The following FBXW4 variants were observed in gnomAD, a reference collection of about 807,000 sequenced individuals.
The protein encoded by FBXW4 is F-box/WD repeat-containing protein 4.
Under a neutral mutation model 61.8 loss-of-function variants are expected in FBXW4, and 40 were observed. The ratio of observed to expected loss-of-function variants is 0.65; its 90% CI spans 0.50 to 0.84. FBXW4 has a LOEUF of 0.84. Ranked by LOEUF, FBXW4 falls within the 40% of genes least tolerant of loss-of-function variation. The pLI is 0.00. For synonymous variants in FBXW4, 311 were observed against 313.8 expected (o/e 0.99, Z 0.10); for missense variants, 672 against 753.8 (o/e 0.89, Z 1.27).
intron 4 of FBXW4, among the ~76,000 whole-genome samples, chr10:101,669,541 C>A (rs2064338283): frequency 6.6e-6 from 1 of 152,196 alleles, no homozygotes; most frequent in South Asian, 2.1e-4. Context: ...TTCTTGGTCT[C>A]CAGGAGCGGC....
At position 101,677,319 on chromosome 10, in the gene FBXW4, T is replaced by C. The variant is rs527513048; in HGVS notation, c.726-883A>G. Among the ~76,000 whole-genome samples the C allele has an allele frequency of 1.3e-4, 20 of 152,250 alleles. No homozygotes were observed. The South Asian group carries it at 4.1e-3, about 32-fold the overall frequency. On this transcript the variant is annotated intron_variant, in intron 1 of 8. Transcript: ENST00000331272. ...ATAAACACACTAGGGTAGGTTCATA[T>C]AATGGAATACTACTCAGCAAAAAAA...
At chr10:101,627,629 C>G (rs541583398) in intron 5 of FBXW4, among the ~76,000 whole-genome samples, 2 of 152,302 alleles carry the variant, frequency 1.3e-5, no homozygotes, top group Admixed American at 1.3e-4. Context: ...TGCGCACATG[C>G]AATCTCAGGG....
chr10:101,635,885 T>C (rs2063997256), intron 5 of FBXW4, among the ~76,000 whole-genome samples: 1 of 149,846 alleles, frequency 6.7e-6, no homozygotes, highest in Non-Finnish European at 1.5e-5. Flanking sequence ...CCCTCCAGCA[T>C]CCTGCCTTGG....
chr10:101,640,484 C>CTTTTTTTTTTTTTTTTTTTTTTTTTTTT (rs386372272), intron 5 of FBXW4, among the ~76,000 whole-genome samples: 1 of 83,874 alleles, frequency 1.2e-5, no homozygotes, highest in Non-Finnish European at 2.0e-5. Context: ...CTTTCTTTCT[C>CTTTTTTTTTTTTTTTTTTTTTTTTTTTT]TTTTTTTTTT....
At chr10:101,621,214 A>G (rs558336008) in intron 6 of FBXW4, among the ~76,000 whole-genome samples, 1 of 152,326 alleles carries the variant, frequency 6.6e-6, no homozygotes, top group East Asian at 1.9e-4. Flanking sequence ...TCACTAAGAC[A>G]CGGATATTTT....
At chr10:101,623,368 T>G (rs1194437712) in intron 6 of FBXW4, among the ~76,000 whole-genome samples, 1 of 152,028 alleles carries the variant, frequency 6.6e-6, no homozygotes, top group African/African-American at 2.4e-5. Flanking sequence ...GGCAATATAA[T>G]GAGAACCTGT....
chr10:101,622,599 G>A (rs1031694181), intron 6 of FBXW4, among the ~76,000 whole-genome samples: 1 of 151,906 alleles, frequency 6.6e-6, no homozygotes, highest in Non-Finnish European at 1.5e-5. Context: ...GTGGTGGCAG[G>A]TACCTGTAGT....
chr10:101,619,695 C>T (rs1321370008), intron 6 of FBXW4, among the ~76,000 whole-genome samples: 1 of 151,766 alleles, frequency 6.6e-6, no homozygotes, highest in Non-Finnish European at 1.5e-5. Flanking sequence ...GGGAAGGGGA[C>T]AGCCAAGCTC....
chr10:101,642,548 C>T (rs550771005), intron 5 of FBXW4, among the ~76,000 whole-genome samples: 1 of 152,234 alleles, frequency 6.6e-6, no homozygotes, highest in East Asian at 1.9e-4. Context: ...CTTCCAAATT[C>T]CAAGCAGCTC....
At chr10:101,682,560 T>C (rs7068187) in intron 1 of FBXW4, among the ~76,000 whole-genome samples, 4,025 of 151,950 alleles carry the variant, frequency 0.026, 184 homozygotes, top group African/African-American at 0.089. Context: ...AAAAAGGGAG[T>C]ACTCTGGATC....
chr10:101,685,242 A>T (rs2064523024), intron 1 of FBXW4, among the ~76,000 whole-genome samples: 1 of 152,174 alleles, frequency 6.6e-6, no homozygotes, highest in Non-Finnish European at 1.5e-5. Context: ...AACCTACCAT[A>T]CACCTAGGCA....
chr10:101,676,258 G>C (rs2134899379), intron 2 of FBXW4, 83 bp downstream of exon 2: 4 of 1,011,010 alleles, frequency 4.0e-6, no homozygotes, highest in Middle Eastern at 5.8e-4. Context: ...AGCCCCATTA[G>C]CCTCTATGTA....
chr10:101,633,830 G>C (rs1454311857), intron 5 of FBXW4, among the ~76,000 whole-genome samples: 1 of 152,106 alleles, frequency 6.6e-6, no homozygotes, highest in Non-Finnish European at 1.5e-5. Context: ...AAAAATCCAG[G>C]CTGGGCGTGG....
In FBXW4 at chr10:101,694,596, AGCC is replaced by A; in HGVS notation, c.507_509del (p.Ala170del). The stretch of plus-strand genomic sequence containing the variant: ...CGGCCGGGCGGGCAGCCGACTCCCG[AGCC>A]GCCTCCTCCTCCTCCTCCTCCTCCC... On this transcript the variant is annotated inframe_deletion, in exon 1 of 9. Transcript: ENST00000331272. The surrounding 1 kb of genome is among the most constrained non-coding windows in gnomAD (Gnocchi z 6.0). 1.4e-6 allele frequency: 2 copies of A among 1,450,192 alleles called. No homozygotes were observed. The highest frequency in any genetic ancestry group is 2.6e-5 in the Admixed American group (1 of 37,776). The allele number at this position is 1,450,192 out of a possible 1,614,324, so 89.8% of individuals were successfully genotyped here.
intron 6 of FBXW4, among the ~76,000 whole-genome samples, chr10:101,620,670 G>T (rs767424144): frequency 6.6e-6 from 1 of 152,146 alleles, no homozygotes; most frequent in South Asian, 2.1e-4. Context: ...AAGAAACAAG[G>T]TCTCACCATA....
intron 6 of FBXW4, among the ~76,000 whole-genome samples, chr10:101,617,695 C>T (rs1052670063): frequency 9.2e-5 from 14 of 152,014 alleles, no homozygotes; most frequent in Non-Finnish European, 1.6e-4. Context: ...GGGGCAGCCG[C>T]GTAGATAAAA....
chr10:101,647,983 G>A (rs958746984), intron 5 of FBXW4, among the ~76,000 whole-genome samples: 2 of 152,270 alleles, frequency 1.3e-5, no homozygotes, highest in East Asian at 1.9e-4. Context: ...CTGCAGGGAG[G>A]GAGATAAAAA....
At chr10:101,640,890 G>C (rs536110628) in intron 5 of FBXW4, among the ~76,000 whole-genome samples, 1 of 151,668 alleles carries the variant, frequency 6.6e-6, no homozygotes, top group Non-Finnish European at 1.5e-5. Context: ...GAGTACAATG[G>C]TGTGATCTTG....
At chr10:101,624,864 GA>G in intron 5 of FBXW4, 54 bp from the exon 6 acceptor site, 14 of 1,583,354 alleles carry the variant, frequency 8.8e-6, no homozygotes, top group Non-Finnish European at 1.2e-5. Flanking sequence ...ACCTGTGGTG[GA>G]AATGGCTAAC....
Sources: allele counts gnomAD v4.1 joint callset (sites outside exome capture counted in the v4.1 genomes callset), GRCh38; gene constraint gnomAD v4.1.1; non-coding constraint Gnocchi (gnomAD v3.1); transcripts MANE v1.5; gene names NCBI Gene and HGNC (gene_info 2026-07-23, HGNC 2026-07-21).